MAU2: variants seen among roughly 807,000 people sequenced by gnomAD.
MAU2 encodes the protein MAU2 sister chromatid cohesion factor.
Under a neutral mutation model 89.1 loss-of-function variants are expected in MAU2, and 9 were observed. That is an observed-to-expected ratio of 0.10 (90% CI 0.06 to 0.18). The LOEUF (loss-of-function observed/expected upper bound fraction) is 0.18, where lower values mean the gene tolerates loss of function less well. Among genes scored for constraint, MAU2 ranks in the 10% least tolerant of loss-of-function variants. MAU2 has a pLI of 1.00. For synonymous variants in MAU2, 357 were observed against 343.4 expected (o/e 1.04, Z -0.44); for missense variants, 425 against 803.5 (o/e 0.53, Z 5.69).
chr19:19,341,320 G>A lies in MAU2; in HGVS notation c.648G>A (p.Glu216=). 1 of 1,613,638 alleles carries A rather than the reference G, an allele frequency of 6.2e-7. No homozygotes were observed. Among genetic ancestry groups the A allele is most frequent in the South Asian group, 1.1e-5 (1 of 91,060 alleles). ...TGACCCTCTGCGGGCAGATCGTGGAGAACTGGCAGGGGAACCCCATCCAGA... is the reference window on the plus strand; with the variant it reads ...TGACCCTCTGCGGGCAGATCGTGGAAAACTGGCAGGGGAACCCCATCCAGA... ...PLLTLCGQIV[E]NWQGNPIQKE... is the part of the protein sequence containing the mutation. Residue 216 remains glutamate (E), a synonymous_variant, in exon 7 of 19, where the codon GAG becomes GAA. Coordinates refer to ENST00000262815, the MANE Select transcript of MAU2 (RefSeq NM_015329.4).
intron 6 of MAU2, 59 bp from the exon 7 acceptor site, chr19:19,341,193 C>T (rs191578024): frequency 5.4e-4 from 846 of 1,556,868 alleles, no homozygotes; most frequent in Middle Eastern, 1.2e-3. Flanking sequence ...CCTGTGCTCC[C>T]GGTCCTGGGA....
At chr19:19,355,067 C>T (rs2048161770) in intron 17 of MAU2, 197 bp from the exon 18 acceptor site, 3 of 646,206 alleles carry the variant, frequency 4.6e-6, no homozygotes, top group East Asian at 5.7e-5. Flanking sequence ...CCCAGCCAGC[C>T]CTGTTCTGCC....
intron 1 of MAU2, among the ~76,000 whole-genome samples, chr19:19,330,856 C>T (rs1346605796): frequency 6.6e-6 from 1 of 152,166 alleles, no homozygotes; most frequent in African/African-American, 2.4e-5. Context: ...AGGACCACTG[C>T]ACTCCCCCTG....
intron 1 of MAU2, chr19:19,329,218 A>G (rs920285184): frequency 3.0e-5 from 13 of 434,880 alleles, no homozygotes; most frequent in Non-Finnish European, 5.1e-5. Context: ...TCCGTGTCCC[A>G]TCTGCAGGGA....
chr19:19,354,564 C>T, intron 17 of MAU2, 119 bp downstream of exon 17: 1 of 836,122 alleles, frequency 1.2e-6, no homozygotes, highest in South Asian at 1.4e-5. Flanking sequence ...GCCGCAGCCC[C>T]AGTTCTAGCA....
intron 1 of MAU2, among the ~76,000 whole-genome samples, chr19:19,332,362 CAG>C (rs1368632231): frequency 1.5e-5 from 2 of 134,524 alleles, no homozygotes; most frequent in South Asian, 2.4e-4. Context: ...GAGCGAGAGA[CAG>C]GGTCTCGCTG....
chr19:19,321,282 C>A, intron 1 of MAU2, 147 bp downstream of exon 1: 1 of 975,864 alleles, frequency 1.0e-6, no homozygotes, highest in Non-Finnish European at 1.4e-6. Context: ...CCACCCGCCT[C>A]TGCCGGACCC....
intron 1 of MAU2, among the ~76,000 whole-genome samples, chr19:19,324,926 G>A (rs1014079727): frequency 5.9e-5 from 9 of 151,952 alleles, no homozygotes; most frequent in African/African-American, 2.2e-4. Context: ...TATTAATTGT[G>A]CATTTTTTCC....
chr19:19,331,993 G>A (rs151101062), intron 1 of MAU2, among the ~76,000 whole-genome samples: 212 of 152,318 alleles, frequency 1.4e-3, no homozygotes, highest in Middle Eastern at 3.4e-3. Context: ...ATACGCCTCC[G>A]TTCTGTGGCC....
Position 19,356,924 on chromosome 19 carries a change from T to A in MAU2, c.*1142T>A, listed in dbSNP as rs542655139. ...GTTGGGGCGGGTGGTCGGGTCAAGATAGCAGCAGCAGGTGTCAGGGCTCAA... is the reference window on the plus strand; with the variant it reads ...GTTGGGGCGGGTGGTCGGGTCAAGAAAGCAGCAGCAGGTGTCAGGGCTCAA... On this transcript the variant is annotated 3_prime_UTR_variant, in exon 19 of 19. Coordinates refer to ENST00000262815, the MANE Select transcript of MAU2 (RefSeq NM_015329.4). 8 of 152,290 alleles carry A rather than the reference T, an allele frequency of 5.3e-5. No individual in the cohort carries two copies. The East Asian group carries it at 1.5e-3, about 29-fold the overall frequency. 9.4% of individuals were successfully genotyped at this position (152,290 alleles called of 1,614,324 possible).
chr19:19,326,719 T>TATATATATATATGTGTATATATATATAC (rs1327254833), intron 1 of MAU2, among the ~76,000 whole-genome samples: 2 of 28,684 alleles, frequency 7.0e-5, no homozygotes, highest in Non-Finnish European at 2.3e-4. Flanking sequence ...TATATATATA[T>TATATATATATATGTGTATATATATATAC]ACATATATAT....
At chr19:19,355,565 G>A in intron 18 of MAU2, 143 bp from the exon 19 acceptor site, 1 of 1,189,520 alleles carries the variant, frequency 8.4e-7, no homozygotes, top group Non-Finnish European at 1.2e-6. Flanking sequence ...AGGGACCCAG[G>A]TGTCTCCTCG....
At chr19:19,350,727 C>T (rs547578239) in intron 16 of MAU2, among the ~76,000 whole-genome samples, 21 of 151,836 alleles carry the variant, frequency 1.4e-4, no homozygotes, top group African/African-American at 5.1e-4. Flanking sequence ...GGTGAAACCC[C>T]GTCTCTACTA....
chr19:19,335,555 G>A (rs1398546288), intron 1 of MAU2, among the ~76,000 whole-genome samples, 163 bp from the exon 2 acceptor site: 1 of 152,194 alleles, frequency 6.6e-6, no homozygotes, highest in African/African-American at 2.4e-5. Context: ...CTGGATTGGA[G>A]GGGAGTAAGC....
At chr19:19,347,389 G>T (rs1456715516) in intron 13 of MAU2, 23 bp downstream of exon 13, 1 of 1,570,414 alleles carries the variant, frequency 6.4e-7, no homozygotes, top group East Asian at 2.2e-5. Flanking sequence ...CTTCATGTTC[G>T]GTATCCTTTC....
intron 3 of MAU2, 28 bp downstream of exon 3, chr19:19,336,215 C>G: frequency 6.6e-7 from 1 of 1,521,188 alleles, no homozygotes; most frequent in Non-Finnish European, 9.1e-7. Flanking sequence ...TTTCTGAAAG[C>G]AAAGTGTCTC....
At position 19,345,952 on chromosome 19, in the gene MAU2, C is replaced by A. The variant is rs2061689640; in HGVS notation, c.1221+583C>A. The stretch of plus-strand genomic sequence containing the variant: ...CCCCACCTCAGCCTCAACCTCCTCA[C>A]AGGAAATGGAGGCTGTGGACACCTT... On this transcript the variant is annotated intron_variant, in intron 12 of 18. Transcript: ENST00000262815. This position sits in a 1 kb window ranked among gnomAD's most constrained non-coding sequence, Gnocchi z 4.9. Among the ~76,000 whole-genome samples, 1 of 152,206 alleles carries A rather than the reference C, an allele frequency of 6.6e-6. No homozygotes were observed. The highest frequency in any genetic ancestry group is 1.5e-5 in the Non-Finnish European group (1 of 68,036).
chr19:19,333,691 A>C (rs540334439), intron 1 of MAU2, among the ~76,000 whole-genome samples: 6 of 152,198 alleles, frequency 3.9e-5, no homozygotes, highest in Non-Finnish European at 5.9e-5. Flanking sequence ...ATGGCCACAG[A>C]CTGGAAAGGA....
intron 15 of MAU2, 23 bp downstream of exon 15, chr19:19,349,255 C>T (rs746397314): frequency 2.0e-5 from 33 of 1,613,878 alleles, no homozygotes; most frequent in Middle Eastern, 1.6e-4. Flanking sequence ...CAGAGGGTGG[C>T]GTGAGGGCCA....
Sources: allele counts gnomAD v4.1 joint callset (sites outside exome capture counted in the v4.1 genomes callset), GRCh38; gene constraint gnomAD v4.1.1; non-coding constraint Gnocchi (gnomAD v3.1); transcripts MANE v1.5; gene names NCBI Gene and HGNC (gene_info 2026-07-23, HGNC 2026-07-21).